Variants in DRC10 observed in about 807,000 individuals in gnomAD.
The protein encoded by DRC10 is IQ domain-containing protein D.
At chr12:113,214,109 T>G in the DRC10 span, among the ~76,000 whole-genome samples, 1 of 152,168 alleles carries the variant, frequency 6.6e-6, no homozygotes, top group Admixed American at 6.5e-5. Context: ...TATCTGAGGC[T>G]TTCAAGTCTA....
chr12:113,204,619 C>A, the DRC10 span, among the ~76,000 whole-genome samples: 1 of 152,206 alleles, frequency 6.6e-6, no homozygotes, highest in African/African-American at 2.4e-5. Flanking sequence ...TACTATCTGG[C>A]CCTTTGTAGA....
the DRC10 span, among the ~76,000 whole-genome samples, chr12:113,220,116 G>T: frequency 6.6e-6 from 1 of 151,780 alleles, no homozygotes; most frequent in South Asian, 2.1e-4. Context: ...GAGCCACCGC[G>T]CCCGGCCCTT....
chr12:113,218,468 G>T, the DRC10 span, among the ~76,000 whole-genome samples: 6 of 151,574 alleles, frequency 4.0e-5, no homozygotes, highest in Admixed American at 6.6e-5. Flanking sequence ...AATAGACAGG[G>T]TCTTACTCTG....
At chr12:113,215,054 G>T in the DRC10 span, among the ~76,000 whole-genome samples, 10 of 152,330 alleles carry the variant, frequency 6.6e-5, no homozygotes, top group Admixed American at 4.6e-4. Flanking sequence ...ACATGGGATA[G>T]TGACTCAGAT....
chr12:113,212,388 G>GA, the DRC10 span, among the ~76,000 whole-genome samples: 2 of 151,836 alleles, frequency 1.3e-5, no homozygotes, highest in African/African-American at 4.8e-5. Context: ...TCTTGTAAGT[G>GA]AAAAAAAAGT....
the DRC10 span, among the ~76,000 whole-genome samples, chr12:113,198,535 G>A: frequency 2.0e-5 from 3 of 152,162 alleles, no homozygotes; most frequent in East Asian, 3.8e-4. Context: ...CAGACACAAC[G>A]GCCACAGAAG....
chr12:113,195,548 G>A, the DRC10 span: 1 of 1,547,386 alleles, frequency 6.5e-7, no homozygotes, highest in African/African-American at 1.4e-5. Flanking sequence ...GGGAAGATAA[G>A]GGTCAGGAGC....
At chr12:113,200,953 ACATGATGAAAT>A in the DRC10 span, 3 of 610,284 alleles carry the variant, frequency 4.9e-6, no homozygotes, top group Admixed American at 9.3e-5. Flanking sequence ...AGCCTGGCTA[ACATGATGAAAT>A]CCCGTCTCTT....
chr12:113,218,737 T>C, the DRC10 span, among the ~76,000 whole-genome samples: 1 of 152,100 alleles, frequency 6.6e-6, no homozygotes, highest in Admixed American at 6.5e-5. Context: ...CGTGAGCCAC[T>C]GGGCCAAAAA....
the DRC10 span, among the ~76,000 whole-genome samples, chr12:113,215,220 G>A: frequency 6.6e-6 from 1 of 152,166 alleles, no homozygotes; most frequent in South Asian, 2.1e-4. Context: ...AACACATTTG[G>A]AATGCAATTC....
chr12:113,196,982 A>G, the DRC10 span, among the ~76,000 whole-genome samples: 3 of 152,234 alleles, frequency 2.0e-5, no homozygotes, highest in Non-Finnish European at 4.4e-5. Context: ...AAGGCCACAC[A>G]GCTGGCACAT....
the DRC10 span, among the ~76,000 whole-genome samples, chr12:113,217,943 T>C: frequency 4.6e-5 from 7 of 152,232 alleles, no homozygotes; most frequent in Admixed American, 4.6e-4. Flanking sequence ...TGGGGCAACT[T>C]TGCCCTCCAG....
the DRC10 span, among the ~76,000 whole-genome samples, chr12:113,220,196 G>A: frequency 1.3e-5 from 2 of 152,162 alleles, no homozygotes; most frequent in Admixed American, 1.3e-4. Context: ...CTTAAGGATG[G>A]AGATGGGAGT....
the DRC10 span, among the ~76,000 whole-genome samples, chr12:113,205,097 G>A: frequency 6.6e-6 from 1 of 151,958 alleles, no homozygotes; most frequent in Non-Finnish European, 1.5e-5. Flanking sequence ...TCTCAAAACT[G>A]TAATTAAATG....
At chr12:113,208,039 T>C in the DRC10 span, 1 of 1,614,102 alleles carries the variant, frequency 6.2e-7, no homozygotes, top group African/African-American at 1.3e-5. Context: ...GGTGGTGAGT[T>C]TGGTCCTAGA....
the DRC10 span, chr12:113,195,675 C>G: frequency 6.2e-7 from 1 of 1,613,522 alleles, no homozygotes. Context: ...GAGCAGGGAG[C>G]GCACCAGATA....
At chr12:113,199,931 G>A in the DRC10 span, 1 of 181,342 alleles carries the variant, frequency 5.5e-6, no homozygotes, top group Non-Finnish European at 1.2e-5. Context: ...TGTTGCCCAG[G>A]CTGGAGTGCA....
chr12:113,196,885 G>A, the DRC10 span, among the ~76,000 whole-genome samples: 6 of 152,228 alleles, frequency 3.9e-5, no homozygotes, highest in Non-Finnish European at 7.3e-5. Flanking sequence ...GTGTCTCACC[G>A]AATCCCCGCC....
chr12:113,214,507 C>CA, the DRC10 span, among the ~76,000 whole-genome samples: 6,289 of 48,542 alleles, frequency 0.13, 268 homozygotes, highest in East Asian at 0.21. Context: ...GACTCCGTCT[C>CA]AAAAAAAAAA....
Sources: allele counts gnomAD v4.1 joint callset (sites outside exome capture counted in the v4.1 genomes callset), GRCh38; gene constraint gnomAD v4.1.1; transcripts MANE v1.5; gene names NCBI Gene and HGNC (gene_info 2026-07-23, HGNC 2026-07-21).